Variants in EIF4ENIF1 observed in about 807,000 individuals in gnomAD.
EIF4ENIF1 encodes the protein eukaryotic translation initiation factor 4E nuclear import factor 1.
In EIF4ENIF1, 23 loss-of-function variants were observed where a neutral mutation model predicts 110.5. The ratio of observed to expected loss-of-function variants is 0.21; its 90% CI spans 0.15 to 0.29. The LOEUF (loss-of-function observed/expected upper bound fraction) is 0.29. EIF4ENIF1 is among the 10% of genes least tolerant of loss of function. The pLI is 1.00. For missense variants in EIF4ENIF1, 1,031 were observed against 1,221.1 expected (o/e 0.84, Z 2.32); for synonymous variants, 440 against 437.0 (o/e 1.01, Z -0.09).
At position 31,444,745 on chromosome 22, in the gene EIF4ENIF1, A is replaced by C. The variant is rs545351687; in HGVS notation, c.1989-55T>G. ...CCCAATCTGCTTAACTTCAAGTCTTAAAACCATATAATACTCAAGACCAGC... is the reference window on the plus strand; with the variant it reads ...CCCAATCTGCTTAACTTCAAGTCTTCAAACCATATAATACTCAAGACCAGC... On this transcript the variant is annotated intron_variant, in intron 14 of 18. Transcript: ENST00000330125. The C allele has an allele frequency of 3.3e-6, 5 of 1,531,094 alleles. No individual in the cohort carries two copies. The Admixed American group carries it at 6.7e-5, about 20-fold the overall frequency. 94.8% of individuals were successfully genotyped at this position (1,531,094 alleles called of 1,614,324 possible). A position where few individuals can be genotyped will look rare whatever the true frequency, so the allele number is the denominator to read the frequency against.
chr22:31,478,670 G>T (rs1195803049), intron 2 of EIF4ENIF1, among the ~76,000 whole-genome samples: 1 of 144,984 alleles, frequency 6.9e-6, no homozygotes, highest in African/African-American at 2.6e-5. Context: ...ACAAAAAAAT[G>T]GCCGGGCACA....
intron 2 of EIF4ENIF1, among the ~76,000 whole-genome samples, chr22:31,473,447 C>T (rs747338595): frequency 1.3e-5 from 2 of 152,128 alleles, no homozygotes; most frequent in African/African-American, 4.8e-5. Context: ...TTATATTGAT[C>T]TTCCCCCTCC....
intron 2 of EIF4ENIF1, among the ~76,000 whole-genome samples, chr22:31,488,155 G>C (rs2052115690): frequency 6.6e-6 from 1 of 152,028 alleles, no homozygotes; most frequent in Admixed American, 6.6e-5. Context: ...TATCCAATTT[G>C]TAATAGAAAA....
chr22:31,463,037 T>A lies in EIF4ENIF1; in HGVS notation c.682A>T (p.Ser228Cys). The change falls in exon 6 of 19, where the codon AGT becomes TGT. Residue 228 changes from serine (S) to cysteine (C), a missense_variant. By Grantham distance (112) the Ser-to-Cys change is moderately radical. This residue lies in a region of EIF4ENIF1 where 704 missense variants were observed against 879.7 expected (regional missense o/e 0.80). Transcript: ENST00000330125. The part of the protein sequence containing the change: ...EPEWFSAGPT[S>C]QSETIELTGF... ...GTCAGTTCGATGGTTTCAGACTGAC[T>A]TGTGGGTCCAGCAGAGAACCACTCT... The A allele has an allele frequency of 6.2e-7, 1 of 1,614,192 alleles. No homozygotes were observed. The highest frequency in any genetic ancestry group is 8.5e-7 in the Non-Finnish European group (1 of 1,180,030).
chr22:31,463,754 C>T lies in EIF4ENIF1; in HGVS notation c.512G>A (p.Arg171His), dbSNP rs201513059. 2.4e-4 allele frequency: 390 copies of T among 1,613,638 alleles called. No homozygotes were observed. Among genetic ancestry groups the T allele is most frequent in the Non-Finnish European group, 3.1e-4 (366 of 1,179,986 alleles). The change falls in exon 5 of 19, where the codon CGT becomes CAT. Residue 171 changes from arginine (R) to histidine (H), a missense_variant. Transcript: ENST00000330125. ...GTCCCGCAGGTCCTTATCGCTAAGA[C>T]GGTGATCCTTCTCAAAGGTCCGGGC... The part of the protein sequence containing the change: ...ISARTFEKDH[R>H]LSDKDLRDLR...
At chr22:31,458,811 C>G (rs993919520) in intron 6 of EIF4ENIF1, among the ~76,000 whole-genome samples, 161 bp from the exon 7 acceptor site, 1 of 152,054 alleles carries the variant, frequency 6.6e-6, no homozygotes, top group Non-Finnish European at 1.5e-5. Flanking sequence ...AGTCCCCCTT[C>G]TACGGGAGGC....
chr22:31,488,726 T>C lies in EIF4ENIF1; in HGVS notation c.-8A>G. ...CATACTTCTCCTATCCATGGCTCCTTGGTCTACAATGCTCTGCACCTGGAA... is the reference window on the plus strand; with the variant it reads ...CATACTTCTCCTATCCATGGCTCCTCGGTCTACAATGCTCTGCACCTGGAA... On this transcript the variant is annotated 5_prime_UTR_variant, in exon 2 of 19. Transcript: ENST00000330125. The C allele has an allele frequency of 6.2e-7, 1 of 1,613,938 alleles. No individual in the cohort carries two copies. The highest frequency in any genetic ancestry group is 1.3e-5 in the African/African-American group (1 of 75,030).
chr22:31,478,718 G>T (rs2051690019), intron 2 of EIF4ENIF1, among the ~76,000 whole-genome samples: 1 of 149,966 alleles, frequency 6.7e-6, no homozygotes, highest in African/African-American at 2.5e-5. Context: ...TTGGGAGGCT[G>T]AGGCGGGCGG....
At chr22:31,440,605 G>A in intron 18 of EIF4ENIF1, 99 bp downstream of exon 18, 1 of 1,390,106 alleles carries the variant, frequency 7.2e-7, no homozygotes, top group Non-Finnish European at 9.8e-7. Context: ...ACAAGTTAAA[G>A]AATGAAAGTG....
intron 6 of EIF4ENIF1, 37 bp from the exon 7 acceptor site, chr22:31,458,687 T>G (rs756524183): frequency 1.3e-6 from 2 of 1,531,266 alleles, no homozygotes; most frequent in East Asian, 2.3e-5. Context: ...GTCTGATAAG[T>G]AAATCACTCC....
At chr22:31,468,349 T>C (rs1485299464) in intron 3 of EIF4ENIF1, 47 bp from the exon 4 acceptor site, 2 of 1,608,386 alleles carry the variant, frequency 1.2e-6, no homozygotes, top group Non-Finnish European at 8.5e-7. Flanking sequence ...CCATGAACCA[T>C]ATAGGCAGTG....
rs776877745 is a variant in EIF4ENIF1, at chr22:31,442,037, T to C, written c.2288A>G (p.Gln763Arg). Residue 763 changes from glutamine to arginine, a missense_variant, in exon 17 of 19, where the codon CAG (glutamine) becomes CGG (arginine). Transcript: ENST00000330125. ...PTTNSKLSAL[Q>R]RSSCSTPLSQ... ...CAGTGGGGTGGAACACGAAGACCTC[T>C]GTAATGCTGACAGTTTGGAATTTGT... is the stretch of plus-strand genomic sequence containing the variant. 2 of 1,614,178 alleles carry C rather than the reference T, an allele frequency of 1.2e-6. No homozygotes were observed. Among genetic ancestry groups the C allele is most frequent in the Non-Finnish European group, 1.7e-6 (2 of 1,180,016 alleles).
intron 2 of EIF4ENIF1, among the ~76,000 whole-genome samples, chr22:31,486,145 C>T (rs2052014104): frequency 6.6e-6 from 1 of 152,078 alleles, no homozygotes; most frequent in African/African-American, 2.4e-5. Flanking sequence ...TGGCACATGC[C>T]TGTAATCCCA....
intron 6 of EIF4ENIF1, among the ~76,000 whole-genome samples, chr22:31,460,721 TG>T (rs1465190688): frequency 6.7e-6 from 1 of 148,942 alleles, no homozygotes; most frequent in African/African-American, 2.5e-5. Context: ...CTGAGGCGGG[TG>T]GATCACGAGG....
chr22:31,459,252 A>AT (rs78739741), intron 6 of EIF4ENIF1, among the ~76,000 whole-genome samples: 57 of 150,294 alleles, frequency 3.8e-4, no homozygotes, highest in South Asian at 1.9e-3. Context: ...TTTTCTAGTG[A>AT]TTTTTTTTTT....
In EIF4ENIF1 at chr22:31,468,316, A is replaced by T. The variant is rs758701219; in HGVS notation, c.171-14T>A. 5 of 1,614,008 alleles carry T rather than the reference A, an allele frequency of 3.1e-6. No individual in the cohort carries two copies. The highest frequency in any genetic ancestry group is 4.2e-6 in the Non-Finnish European group (5 of 1,180,020). ...CAGACACCATCACTACAGGTCAAAA[A>T]ATACAACTGTTAGCACTTACGCCCA... On this transcript the variant is annotated splice_polypyrimidine_tract_variant and intron_variant, in intron 3 of 18. Transcript: ENST00000330125.
At chr22:31,475,552 G>T (rs2146053058) in intron 2 of EIF4ENIF1, among the ~76,000 whole-genome samples, 1 of 152,174 alleles carries the variant, frequency 6.6e-6, no homozygotes, top group East Asian at 1.9e-4. Flanking sequence ...AGGAGTTTGA[G>T]ACCAGCCTGG....
chr22:31,474,326 G>A (rs2051493657), intron 2 of EIF4ENIF1, among the ~76,000 whole-genome samples: 1 of 152,106 alleles, frequency 6.6e-6, no homozygotes, highest in Admixed American at 6.5e-5. Flanking sequence ...CTCCCAAAGT[G>A]CTGGGATTAC....
intron 6 of EIF4ENIF1, among the ~76,000 whole-genome samples, chr22:31,461,235 T>A (rs2050983518): frequency 1.3e-5 from 2 of 152,122 alleles, no homozygotes; most frequent in African/African-American, 4.8e-5. Context: ...CCCAGGTTAG[T>A]CCCCACCTGG....
Sources: allele counts gnomAD v4.1 joint callset (sites outside exome capture counted in the v4.1 genomes callset), GRCh38; gene constraint gnomAD v4.1.1; regional missense constraint gnomAD v4.1.1; transcripts MANE v1.5; gene names NCBI Gene and HGNC (gene_info 2026-07-23, HGNC 2026-07-21).